FAM110B: variants seen among roughly 807,000 people sequenced by gnomAD.
The protein encoded by FAM110B is protein FAM110B.
Under a neutral mutation model 20.4 loss-of-function variants are expected in FAM110B, and 6 were observed. The ratio of observed to expected loss-of-function variants is 0.29; its 90% CI spans 0.16 to 0.58. FAM110B has a LOEUF of 0.58. FAM110B is among the 20% of genes least tolerant of loss of function. The probability of loss-of-function intolerance (pLI) is 0.90; values close to 1 mark genes in which losing one functional copy is unlikely to be tolerated. For synonymous variants in FAM110B, 226 were observed against 214.1 expected, an observed-to-expected ratio of 1.06 and a Z score of -0.49; for missense variants, 434 against 498.2, an observed-to-expected ratio of 0.87 and a Z score of 1.23.
At chr8:58,089,602 A>G (rs1563365894) in intron 3 of FAM110B, among the ~76,000 whole-genome samples, 1 of 152,230 alleles carries the variant, frequency 6.6e-6, no homozygotes, top group Non-Finnish European at 1.5e-5. Context: ...AATTATGGCA[A>G]TTTGAAAAGA....
At chr8:58,132,926 G>T (rs915270897) in intron 3 of FAM110B, among the ~76,000 whole-genome samples, 1 of 152,074 alleles carries the variant, frequency 6.6e-6, no homozygotes, top group African/African-American at 2.4e-5. Context: ...TTCACTTTGG[G>T]GAGTTATTTT....
intron 3 of FAM110B, among the ~76,000 whole-genome samples, chr8:58,089,729 T>C (rs543343709): frequency 6.6e-6 from 1 of 152,236 alleles, no homozygotes; most frequent in Admixed American, 6.5e-5. Context: ...GAGTTAGTTA[T>C]TGTAAAAGCT....
chr8:58,141,669 T>G (rs938091454), intron 3 of FAM110B, among the ~76,000 whole-genome samples: 6 of 152,228 alleles, frequency 3.9e-5, no homozygotes, highest in Admixed American at 1.3e-4. Flanking sequence ...CCAGAAGCAC[T>G]CTTTAAAGAG....
intron 2 of FAM110B, among the ~76,000 whole-genome samples, chr8:58,046,190 G>A (rs888372071): frequency 6.6e-6 from 1 of 152,044 alleles, no homozygotes; most frequent in African/African-American, 2.4e-5. Flanking sequence ...AAGCATGGTG[G>A]CCAAGTTAGC....
intron 2 of FAM110B, among the ~76,000 whole-genome samples, chr8:58,044,795 TGTG>T (rs1280416291): frequency 6.6e-6 from 1 of 152,172 alleles, no homozygotes; most frequent in Non-Finnish European, 1.5e-5. Flanking sequence ...TGAAGAGCAT[TGTG>T]GTTAAAAATC....
intron 2 of FAM110B, among the ~76,000 whole-genome samples, chr8:58,054,206 G>A (rs1330966837): frequency 6.6e-6 from 1 of 152,174 alleles, no homozygotes; most frequent in Non-Finnish European, 1.5e-5. Flanking sequence ...AAATGCATAA[G>A]GAGGCAGCTA....
chr8:58,006,435 G>T (rs766815172), intron 1 of FAM110B, among the ~76,000 whole-genome samples: 3 of 152,092 alleles, frequency 2.0e-5, no homozygotes, highest in Non-Finnish European at 4.4e-5. Flanking sequence ...TGGCACCCTA[G>T]TGCTATGGCC....
At chr8:58,043,121 C>T (rs959410670) in intron 2 of FAM110B, 1 of 152,192 alleles carries the variant, frequency 6.6e-6, no homozygotes, top group Admixed American at 6.5e-5. Context: ...GCAGTTATTC[C>T]CTTGTAGGAT....
intron 2 of FAM110B, 35 bp from the exon 3 acceptor site, chr8:58,075,500 A>T (rs1229833783): frequency 6.6e-6 from 1 of 152,152 alleles, no homozygotes; most frequent in Non-Finnish European, 1.5e-5. Context: ...TCAAATAAAA[A>T]GGCAATAACA....
chr8:58,091,804 A>T (rs1806486799), intron 3 of FAM110B, among the ~76,000 whole-genome samples: 1 of 152,176 alleles, frequency 6.6e-6, no homozygotes, highest in Non-Finnish European at 1.5e-5. Flanking sequence ...TACAAGGAAC[A>T]TGTGAAATGA....
In FAM110B at chr8:58,147,515, T is replaced by C; in HGVS notation, c.*172T>C. The C allele has an allele frequency of 1.3e-6, 1 of 789,506 alleles. No individual in the cohort carries two copies. The highest frequency in any genetic ancestry group is 1.9e-5 in the South Asian group (1 of 53,128). 48.9% of individuals were successfully genotyped at this position (789,506 alleles called of 1,614,324 possible). A position where few individuals can be genotyped will look rare whatever the true frequency, so the allele number is the denominator to read the frequency against. On this transcript the variant is annotated 3_prime_UTR_variant, in exon 4 of 4. Transcript: ENST00000519262. ...GACTGACCTGGCTTCCACGTCACCA[T>C]CGCTACAGAGCCTGGCTGAACACGC...
intron 3 of FAM110B, among the ~76,000 whole-genome samples, chr8:58,111,113 A>G (rs936731852): frequency 2.0e-5 from 3 of 152,234 alleles, no homozygotes; most frequent in African/African-American, 7.2e-5. Context: ...TAATCCTTAT[A>G]AAAATAATTG....
At chr8:58,048,659 C>T (rs1458085441) in intron 2 of FAM110B, among the ~76,000 whole-genome samples, 2 of 152,232 alleles carry the variant, frequency 1.3e-5, no homozygotes, top group African/African-American at 2.4e-5. Context: ...AGCTGCATCT[C>T]TACAGCCAAG....
At position 58,129,976 on chromosome 8, in the gene FAM110B, G is replaced by A. The variant is rs58319281; in HGVS notation, c.-324-15931G>A. 8.0e-3 allele frequency among the ~76,000 whole-genome samples: 1,211 copies of A among 151,320 alleles called. 24 individuals are homozygous for A. Among genetic ancestry groups the A allele is most frequent in the African/African-American group, 0.029 (1,176 of 41,180 alleles). ...TTTATCTTTAAAATTCTGCCTTCAT[G>A]TTCTGTCTTCATGTTCCTTTCTTCT... On this transcript the variant is annotated intron_variant, in intron 3 of 3. Transcript: ENST00000519262.
chr8:58,095,081 G>T (rs1420990667), intron 3 of FAM110B, among the ~76,000 whole-genome samples: 2 of 152,016 alleles, frequency 1.3e-5, no homozygotes, highest in Non-Finnish European at 2.9e-5. Context: ...TATTTTTGTG[G>T]GATCGGTGGT....
chr8:58,135,374 C>T (rs984192720), intron 3 of FAM110B, among the ~76,000 whole-genome samples: 8 of 152,130 alleles, frequency 5.3e-5, no homozygotes, highest in African/African-American at 1.7e-4. Flanking sequence ...AGGAAGTGGT[C>T]ATTACTAACA....
chr8:58,132,979 T>G (rs1349945053), intron 3 of FAM110B, among the ~76,000 whole-genome samples: 1 of 152,160 alleles, frequency 6.6e-6, no homozygotes, highest in African/African-American at 2.4e-5. Flanking sequence ...TTAATCAAGA[T>G]AGAAGCAAGT....
chr8:58,003,472 A>G (rs561620899), intron 1 of FAM110B, among the ~76,000 whole-genome samples: 6 of 152,342 alleles, frequency 3.9e-5, no homozygotes, highest in Admixed American at 6.5e-5. Context: ...CTTTTCCTGG[A>G]TACATCAGAG....
At chr8:58,024,883 G>A (rs573488866) in intron 1 of FAM110B, among the ~76,000 whole-genome samples, 209 of 152,256 alleles carry the variant, frequency 1.4e-3, no homozygotes, top group African/African-American at 4.7e-3. Flanking sequence ...TGGTTCTTAT[G>A]TTATATCCCA....
Sources: gnomAD v4.1 joint callset for allele counts (sites outside exome capture counted in the v4.1 genomes callset) on GRCh38, gnomAD v4.1.1 for gene constraint, MANE v1.5 for transcripts, NCBI Gene and HGNC (gene_info 2026-07-23, HGNC 2026-07-21) for gene names.